DMD: variants seen among roughly 807,000 people sequenced by gnomAD.
DMD encodes dystrophin, also known as mutant dystrophin.
DMD carries 63 observed loss-of-function variants against 330.1 expected under a neutral mutation model. The observed-to-expected ratio is 0.19, with a 90% CI of 0.16 to 0.24. DMD has a LOEUF of 0.24. Ranked by LOEUF, DMD falls within the 10% of genes least tolerant of loss-of-function variation. The pLI, the probability that DMD is intolerant of heterozygous loss-of-function variation, is 1.00. For missense variants in DMD, 3,344 were observed against 2,684.1 expected, an observed-to-expected ratio of 1.25 and a Z score of -5.43; for synonymous variants, 1,223 against 959.8, an observed-to-expected ratio of 1.27 and a Z score of -5.07.
At chrX:33,030,497 T>C (rs746476106) in intron 1 of DMD, among the ~76,000 whole-genome samples, 5 of 112,270 alleles carry the variant, frequency 4.5e-5, no homozygotes, top group Non-Finnish European at 9.4e-5. Context: ...AACATGAGTA[T>C]GTGGGTGTAG....
At chrX:32,360,338 T>A (rs1384023205) in intron 37 of DMD, among the ~76,000 whole-genome samples, 1 of 112,228 alleles carries the variant, frequency 8.9e-6, no homozygotes, top group Non-Finnish European at 1.9e-5. Flanking sequence ...TATGCTTTAT[T>A]TCTGTGTTTT....
chrX:32,698,458 C>T (rs2063821285), intron 8 of DMD, among the ~76,000 whole-genome samples: 1 of 111,788 alleles, frequency 8.9e-6, no homozygotes, highest in Admixed American at 9.5e-5. Context: ...ACACATTCAG[C>T]AGAAATGTTG....
intron 44 of DMD, among the ~76,000 whole-genome samples, chrX:32,121,654 T>C (rs1479287457): frequency 1.1e-5 from 1 of 87,244 alleles, no homozygotes; most frequent in East Asian, 3.7e-4. Context: ...TATATATATA[T>C]ATATATATAT....
At chrX:33,049,329 AATTT>A (rs1347274334) in intron 1 of DMD, among the ~76,000 whole-genome samples, 1 of 111,484 alleles carries the variant, frequency 9.0e-6, no homozygotes. Context: ...TTTTACCTGA[AATTT>A]ATTTCAGTTT....
intron 44 of DMD, among the ~76,000 whole-genome samples, chrX:32,178,830 G>T (rs2685904): frequency 0.02 from 2,015 of 99,023 alleles, 61 homozygotes; most frequent in African/African-American, 0.065. Flanking sequence ...TATTCCAGGG[G>T]GTGTGTGTGT....
chrX:32,130,350 T>C (rs2096685748), intron 44 of DMD, among the ~76,000 whole-genome samples: 1 of 111,774 alleles, frequency 8.9e-6, no homozygotes, highest in African/African-American at 3.3e-5. Flanking sequence ...TATCAATGGA[T>C]AAAATTTGTT....
chrX:32,706,147 G>T (rs1479629652), intron 7 of DMD, among the ~76,000 whole-genome samples: 1 of 98,666 alleles, frequency 1.0e-5, no homozygotes, highest in Non-Finnish European at 2.0e-5. Context: ...AACACTGCAT[G>T]TTCTCACTCA....
chrX:32,468,473 G>A, intron 23 of DMD, 25 bp downstream of exon 23: 1 of 1,145,401 alleles, frequency 8.7e-7, no homozygotes, highest in Non-Finnish European at 1.2e-6. Flanking sequence ...TAAAAATGAG[G>A]GTAGAAAGTA....
chrX:32,890,222 G>A (rs2149254034), intron 2 of DMD, among the ~76,000 whole-genome samples: 1 of 111,847 alleles, frequency 8.9e-6, no homozygotes, highest in South Asian at 3.8e-4. Context: ...TCAGAAGTCA[G>A]TGAGTTTCTG....
intron 13 of DMD, among the ~76,000 whole-genome samples, chrX:32,591,191 ATAT>A (rs987027999): frequency 1.8e-5 from 2 of 111,754 alleles, no homozygotes; most frequent in African/African-American, 6.5e-5. Context: ...ATTCTCCAAA[ATAT>A]TAGGCAGTAA....
chrX:32,858,619 C>T (rs1365465719), intron 2 of DMD, among the ~76,000 whole-genome samples: 1 of 111,821 alleles, frequency 8.9e-6, no homozygotes, highest in Admixed American at 9.5e-5. Flanking sequence ...TGAGCCATCA[C>T]ACCTGGACTT....
intron 2 of DMD, among the ~76,000 whole-genome samples, chrX:32,854,614 G>A (rs1370167465): frequency 9.6e-6 from 1 of 104,090 alleles, no homozygotes; most frequent in Non-Finnish European, 2.0e-5. Flanking sequence ...TAAAGAACTA[G>A]AATAGCAAAC....
intron 1 of DMD, among the ~76,000 whole-genome samples, chrX:33,268,414 A>G (rs1569559341): frequency 1.8e-5 from 2 of 111,998 alleles, no homozygotes; most frequent in Non-Finnish European, 3.8e-5. Context: ...GTAAACAGAT[A>G]ATCTACAGAA....
chrX:31,588,060 A>G (rs2076694632), intron 55 of DMD, among the ~76,000 whole-genome samples: 1 of 111,744 alleles, frequency 8.9e-6, no homozygotes. Context: ...TCATCTGCAT[A>G]TTAACAAGTT....
chrX:33,121,908 A>G (rs137914739), intron 1 of DMD, among the ~76,000 whole-genome samples: 3,795 of 112,012 alleles, frequency 0.034, 171 homozygotes, highest in African/African-American at 0.12. Context: ...GGTTTCATTT[A>G]TGATTAATAA....
chrX:32,927,363 C>CT (rs536073565), intron 2 of DMD, among the ~76,000 whole-genome samples: 60 of 56,991 alleles, frequency 1.1e-3, no homozygotes, highest in Admixed American at 1.5e-3. Flanking sequence ...TTCTTTCTTT[C>CT]TTTTTTTTTT....
intron 37 of DMD, among the ~76,000 whole-genome samples, chrX:32,356,173 G>C (rs935936670): frequency 1.8e-5 from 2 of 109,060 alleles, no homozygotes; most frequent in African/African-American, 6.6e-5. Flanking sequence ...GTTTAGGAGA[G>C]CCAAAATAAT....
At chrX:32,423,283 A>G (rs1339598447) in intron 29 of DMD, among the ~76,000 whole-genome samples, 1 of 107,127 alleles carries the variant, frequency 9.3e-6, no homozygotes, top group Non-Finnish European at 1.9e-5. Context: ...TTCAGAAGAA[A>G]TAACTCAACT....
intron 44 of DMD, among the ~76,000 whole-genome samples, chrX:32,037,424 T>C (rs2095957879): frequency 8.9e-6 from 1 of 112,341 alleles, no homozygotes; most frequent in Admixed American, 9.5e-5. Flanking sequence ...ACACAGAGCA[T>C]TTATTTGTTC....
Sources: allele counts gnomAD v4.1 joint callset (sites outside exome capture counted in the v4.1 genomes callset), GRCh38; gene constraint gnomAD v4.1.1; transcripts MANE v1.5; gene names NCBI Gene and HGNC (gene_info 2026-07-23, HGNC 2026-07-21).